The following DCAF6 variants were observed in gnomAD, a reference collection of about 807,000 sequenced individuals.
The protein encoded by DCAF6 is DDB1- and CUL4-associated factor 6.
A neutral mutation model predicts 125.1 loss-of-function variants in DCAF6; 54 were observed. The observed-to-expected ratio is 0.43, with a 90% CI of 0.35 to 0.54. The LOEUF is 0.54. Ranked by LOEUF, DCAF6 falls within the 20% of genes least tolerant of loss-of-function variation. DCAF6 has a pLI of 0.01. For missense variants in DCAF6, 934 were observed against 1,161.7 expected, an observed-to-expected ratio of 0.80 and a Z score of 2.85; for synonymous variants, 371 against 390.4, an observed-to-expected ratio of 0.95 and a Z score of 0.58.
At chr1:167,942,324 A>G (rs1322258409) in intron 1 of DCAF6, among the ~76,000 whole-genome samples, 2 of 152,174 alleles carry the variant, frequency 1.3e-5, no homozygotes. Context: ...TCGGCCTCCC[A>G]AAGTGCTGGG....
chr1:168,033,304 CTTTTTT>C (rs200401545), intron 12 of DCAF6, among the ~76,000 whole-genome samples: 2 of 119,792 alleles, frequency 1.7e-5, no homozygotes, highest in South Asian at 2.7e-4. Flanking sequence ...TGAAAAGGAT[CTTTTTT>C]TTTTTTTTTT....
chr1:168,030,487 G>C (rs1468000218), intron 12 of DCAF6, among the ~76,000 whole-genome samples: 2 of 152,248 alleles, frequency 1.3e-5, no homozygotes, highest in Non-Finnish European at 2.9e-5. Context: ...GCTATGGCCT[G>C]ATACTCTGAA....
chr1:168,030,670 A>G (rs1417889439), intron 12 of DCAF6, among the ~76,000 whole-genome samples: 4 of 152,218 alleles, frequency 2.6e-5, no homozygotes, highest in Admixed American at 1.3e-4. Context: ...GGGATTGAGG[A>G]GGAATCCAGA....
rs1692611824 is a variant in DCAF6 at position 168,068,376 on chromosome 1, C to T, written c.2704C>T (p.Leu902Phe). 1 of 1,604,828 alleles carries T rather than the reference C, an allele frequency of 6.2e-7. No homozygotes were observed. The highest frequency in any genetic ancestry group is 1.3e-5 in the African/African-American group (1 of 74,306). ...LADEVITRNE[L>F]MLEETRNTIT... Reference sequence around the variant, plus strand: ...CTTGTAGGTTATAACTCGAAACGAACTCATGCTGGAAGAAACTAGAAACAC... The same window carrying T: ...CTTGTAGGTTATAACTCGAAACGAATTCATGCTGGAAGAAACTAGAAACAC... Residue 902 changes from leucine to phenylalanine, a missense_variant, in exon 21 of 22, where the codon CTC (leucine) becomes TTC (phenylalanine). By Grantham distance (22) the Leu-to-Phe change is conservative. This residue lies in a region of DCAF6 where 27 missense variants were observed against 85.1 expected (regional missense o/e 0.32). Coordinates refer to ENST00000367840, the MANE Select transcript of DCAF6 (RefSeq NM_001198956.2).
At chr1:167,957,966 C>G (rs189541535) in intron 2 of DCAF6, among the ~76,000 whole-genome samples, 6 of 151,946 alleles carry the variant, frequency 3.9e-5, no homozygotes, top group Non-Finnish European at 7.4e-5. Flanking sequence ...TATTTAAATC[C>G]TTTACCTATT....
In DCAF6 at chr1:167,936,857, C is replaced by A; in HGVS notation, c.-55C>A. 1 of 1,416,080 alleles carries A rather than the reference C, an allele frequency of 7.1e-7. No homozygotes were observed. 87.7% of individuals were successfully genotyped at this position (1,416,080 alleles called of 1,614,324 possible). A position where few individuals can be genotyped will look rare whatever the true frequency, so the allele number is the denominator to read the frequency against. Reference sequence around the variant, plus strand: ...GGTGTTGAAACGGGTGTCCCCTCCCCCTCCTCCCCTCCCCCACGCGGTGGT... The same window carrying A: ...GGTGTTGAAACGGGTGTCCCCTCCCACTCCTCCCCTCCCCCACGCGGTGGT... On this transcript the variant is annotated 5_prime_UTR_variant, in exon 1 of 22. Transcript: ENST00000367840.
intron 3 of DCAF6, among the ~76,000 whole-genome samples, chr1:167,971,544 G>C (rs1005439017): frequency 6.6e-6 from 1 of 152,092 alleles, no homozygotes. Flanking sequence ...GATACTTTTG[G>C]ACTGAGCTTC....
chr1:167,949,235 G>A (rs1369838644), intron 1 of DCAF6, among the ~76,000 whole-genome samples: 10 of 152,198 alleles, frequency 6.6e-5, no homozygotes, highest in Non-Finnish European at 1.0e-4. Context: ...TCCATAACAA[G>A]TGTGTAATTC....
chr1:168,037,690 T>G (rs1013759352), intron 12 of DCAF6, among the ~76,000 whole-genome samples: 1 of 152,216 alleles, frequency 6.6e-6, no homozygotes, highest in Non-Finnish European at 1.5e-5. Flanking sequence ...ATAGACATCA[T>G]CTATAGGCTC....
chr1:167,917,304 A>G, the DCAF6 span: 1 of 152,240 alleles, frequency 6.6e-6, no homozygotes, highest in Non-Finnish European at 1.5e-5. Flanking sequence ...TAACTTGTCT[A>G]AAGTCACAGC....
chr1:168,066,652 A>G (rs1460163779), intron 20 of DCAF6, among the ~76,000 whole-genome samples, 187 bp downstream of exon 20: 1 of 152,136 alleles, frequency 6.6e-6, no homozygotes, highest in Non-Finnish European at 1.5e-5. Flanking sequence ...TAAAATCTAA[A>G]TAGTAGCTTA....
intron 1 of DCAF6, among the ~76,000 whole-genome samples, chr1:167,945,362 TG>T (rs1672902075): frequency 6.6e-6 from 1 of 152,226 alleles, no homozygotes; most frequent in Admixed American, 6.5e-5. Flanking sequence ...GATCATGGGA[TG>T]TTTTTCCATT....
chr1:167,937,238 G>C (rs937738509), intron 1 of DCAF6: 7 of 593,384 alleles, frequency 1.2e-5, no homozygotes, highest in Admixed American at 3.0e-5. Flanking sequence ...CGGAGGGCCG[G>C]GCCGTGGGCA....
chr1:168,038,055 C>T (rs907376634), intron 12 of DCAF6, among the ~76,000 whole-genome samples: 1 of 152,146 alleles, frequency 6.6e-6, no homozygotes, highest in African/African-American at 2.4e-5. Flanking sequence ...AATAAGGGTA[C>T]CAGTTTGTAA....
chr1:167,982,398 C>T (rs377714455), intron 4 of DCAF6, among the ~76,000 whole-genome samples: 4 of 152,022 alleles, frequency 2.6e-5, no homozygotes, highest in East Asian at 3.9e-4. Flanking sequence ...CATGCAACCA[C>T]GCCCAGCTAA....
At chr1:167,976,494 G>A (rs930692959) in intron 4 of DCAF6, among the ~76,000 whole-genome samples, 8 of 151,968 alleles carry the variant, frequency 5.3e-5, no homozygotes, top group African/African-American at 1.9e-4. Context: ...TAAAAATAAA[G>A]TCTACCTTTC....
chr1:168,016,734 A>C (rs747838962), intron 11 of DCAF6, among the ~76,000 whole-genome samples: 7 of 152,154 alleles, frequency 4.6e-5, no homozygotes, highest in Non-Finnish European at 8.8e-5. Context: ...GATGGGTAAT[A>C]GATACTGTAA....
intron 12 of DCAF6, among the ~76,000 whole-genome samples, chr1:168,028,811 A>G (rs1248646326): frequency 6.6e-6 from 1 of 152,160 alleles, no homozygotes; most frequent in East Asian, 1.9e-4. Context: ...ATTATTTTAA[A>G]CATATTGACA....
chr1:167,880,690 C>A, the DCAF6 span: 1 of 1,071,976 alleles, frequency 9.3e-7, no homozygotes, highest in Non-Finnish European at 1.4e-6. Context: ...AACAGAGAGC[C>A]GGCGGCAATT....
Sources: gnomAD v4.1 joint callset for allele counts (sites outside exome capture counted in the v4.1 genomes callset) on GRCh38, gnomAD v4.1.1 for gene constraint, gnomAD v4.1.1 regional missense constraint, MANE v1.5 for transcripts, NCBI Gene and HGNC (gene_info 2026-07-23, HGNC 2026-07-21) for gene names.